Variants in RMDN2 observed in about 807,000 individuals in gnomAD.
RMDN2 encodes the protein regulator of microtubule dynamics 2, also known as regulator of microtubule dynamics protein 2.
In RMDN2, 61 loss-of-function variants were observed where a neutral mutation model predicts 52.8. That is an observed-to-expected ratio of 1.16 (90% CI 0.94 to 1.43). The LOEUF (loss-of-function observed/expected upper bound fraction) is 1.43. RMDN2 is among the 40% of genes most tolerant of loss of function. RMDN2 has a pLI of 0.00. For missense variants in RMDN2, 592 were observed against 475.3 expected, an observed-to-expected ratio of 1.25 and a Z score of -2.28; for synonymous variants, 180 against 153.1, an observed-to-expected ratio of 1.18 and a Z score of -1.30.
chr2:38,001,369 G>A (rs576699523), intron 8 of RMDN2, among the ~76,000 whole-genome samples: 1 of 152,252 alleles, frequency 6.6e-6, no homozygotes, highest in East Asian at 1.9e-4. Flanking sequence ...CTCATCATTG[G>A]AACATTACAT....
At chr2:38,038,963 T>G (rs929759286) in intron 10 of RMDN2, among the ~76,000 whole-genome samples, 3 of 151,636 alleles carry the variant, frequency 2.0e-5, no homozygotes, top group Non-Finnish European at 4.4e-5. Context: ...GGAAGGGTGT[T>G]CCCTTCTGCT....
At chr2:37,930,880 C>T (rs1030707023) in intron 2 of RMDN2, among the ~76,000 whole-genome samples, 13 of 152,062 alleles carry the variant, frequency 8.5e-5, no homozygotes, top group African/African-American at 1.7e-4. Flanking sequence ...CTTCCGCCTC[C>T]GCCTGACATG....
chr2:38,023,516 C>A (rs1429162840), intron 10 of RMDN2, among the ~76,000 whole-genome samples: 1 of 152,100 alleles, frequency 6.6e-6, no homozygotes, highest in East Asian at 1.9e-4. Context: ...CCCGCCTTTT[C>A]CTTCCCCTCC....
intron 2 of RMDN2, among the ~76,000 whole-genome samples, chr2:37,972,307 A>G (rs1671910718): frequency 6.6e-6 from 1 of 152,200 alleles, no homozygotes; most frequent in Non-Finnish European, 1.5e-5. Context: ...TTGAACAAAG[A>G]TATGAAATAT....
rs1348263591 is a variant in RMDN2, at chr2:37,964,040, C to T, written c.453-10000C>T. Among the ~76,000 whole-genome samples, 17 of 150,262 alleles carry T rather than the reference C, an allele frequency of 1.1e-4. No homozygotes were observed. The South Asian group carries it at 3.2e-3, about 28-fold the overall frequency. The stretch of plus-strand genomic sequence containing the variant: ...GGCGGCTGGCCTGGCGGGGGCTGCC[C>T]CCCACCTCCCTCCCGGACGTGGCGG... On this transcript the variant is annotated intron_variant, in intron 2 of 10. Coordinates refer to ENST00000354545, the MANE Select transcript of RMDN2 (RefSeq NM_001170791.3).
intron 2 of RMDN2, among the ~76,000 whole-genome samples, chr2:37,932,334 C>T (rs1466614085): frequency 2.6e-5 from 4 of 151,980 alleles, no homozygotes; most frequent in African/African-American, 9.7e-5. Context: ...ATCCATTCAA[C>T]CCTGGGTGGA....
chr2:38,064,372 C>G (rs1304496483), intron 10 of RMDN2, among the ~76,000 whole-genome samples: 1 of 151,974 alleles, frequency 6.6e-6, no homozygotes, highest in Non-Finnish European at 1.5e-5. Flanking sequence ...TGCCTGTAGT[C>G]CCAGCTACTC....
intron 10 of RMDN2, among the ~76,000 whole-genome samples, chr2:38,006,681 T>C (rs576999666): frequency 1.2e-3 from 187 of 152,314 alleles, no homozygotes; most frequent in African/African-American, 4.1e-3. Context: ...CTTTTCCTAA[T>C]TGAATACCCT....
At chr2:37,965,983 A>C (rs1259663137) in intron 2 of RMDN2, among the ~76,000 whole-genome samples, 1 of 152,084 alleles carries the variant, frequency 6.6e-6, no homozygotes, top group Admixed American at 6.5e-5. Context: ...TCTGCTGATG[A>C]TTTTATTGAG....
At chr2:38,020,303 G>C (rs1451576107), downstream of RMDN2, among the ~76,000 whole-genome samples, 2 of 151,556 alleles carry the variant, frequency 1.3e-5, no homozygotes, top group Non-Finnish European at 2.9e-5. Flanking sequence ...TAGGGGTGAC[G>C]GGAGACCGTG....
intron 2 of RMDN2, chr2:37,952,227 A>AG: frequency 6.2e-7 from 1 of 1,608,820 alleles, no homozygotes; most frequent in South Asian, 1.1e-5. Context: ...ACCCTCTCTT[A>AG]GAAGGGCACC....
At chr2:37,977,805 T>C (rs1273366531) in intron 4 of RMDN2, among the ~76,000 whole-genome samples, 17 of 146,674 alleles carry the variant, frequency 1.2e-4, no homozygotes, top group Non-Finnish European at 2.5e-4. Context: ...GATGGGATGA[T>C]GGCCGGGAAG....
chr2:37,956,643 C>G (rs1558468157), intron 2 of RMDN2, among the ~76,000 whole-genome samples: 1 of 150,954 alleles, frequency 6.6e-6, no homozygotes, highest in African/African-American at 2.4e-5. Context: ...ACATTACCTT[C>G]TTTTTTTTTC....
intron 10 of RMDN2, among the ~76,000 whole-genome samples, chr2:38,034,370 A>G (rs1231532402): frequency 6.6e-6 from 1 of 152,186 alleles, no homozygotes; most frequent in Admixed American, 6.5e-5. Context: ...AGGGGAGCCT[A>G]GTTATAGTTG....
chr2:38,041,694 G>A (rs1680964329), intron 10 of RMDN2, among the ~76,000 whole-genome samples: 1 of 151,998 alleles, frequency 6.6e-6, no homozygotes, highest in African/African-American at 2.4e-5. Context: ...TTTCTGCATT[G>A]ATTGATATGA....
At chr2:37,987,657 C>T (rs1674209358) in intron 5 of RMDN2, among the ~76,000 whole-genome samples, 1 of 152,200 alleles carries the variant, frequency 6.6e-6, no homozygotes, top group African/African-American at 2.4e-5. Context: ...GAATATTAAA[C>T]ACCAAGTACA....
At chr2:37,987,079 T>TA (rs902706238) in intron 5 of RMDN2, among the ~76,000 whole-genome samples, 56 of 150,296 alleles carry the variant, frequency 3.7e-4, no homozygotes, top group African/African-American at 1.1e-3. Flanking sequence ...GTAAAAAATC[T>TA]AAAAAAAAAA....
rs577724121 is a variant in RMDN2, at chr2:37,964,080, C to T, written c.453-9960C>T. Among the ~76,000 whole-genome samples, 1,011 of 149,066 alleles carry T rather than the reference C, an allele frequency of 6.8e-3. 6 individuals are homozygous for T. The highest frequency in any genetic ancestry group is 0.024 in the African/African-American group (954 of 40,418). ...GGACGTGGCGGCTGCCGGGCGGAGG[C>T]GCTCCTCACTTCCCAGACGGGGCGG... is the stretch of plus-strand genomic sequence containing the variant. On this transcript the variant is annotated intron_variant, in intron 2 of 10. Transcript: ENST00000354545.
At chr2:38,053,088 AT>A (rs1681693417) in intron 10 of RMDN2, among the ~76,000 whole-genome samples, 2 of 152,290 alleles carry the variant, frequency 1.3e-5, no homozygotes, top group Middle Eastern at 6.8e-3. Flanking sequence ...TAAAAGTAAT[AT>A]TTTTTTAAAA....
Sources: gnomAD v4.1 joint callset for allele counts (sites outside exome capture counted in the v4.1 genomes callset) on GRCh38, gnomAD v4.1.1 for gene constraint, MANE v1.5 for transcripts, NCBI Gene and HGNC (gene_info 2026-07-23, HGNC 2026-07-21) for gene names.